Variants in FBXL13 observed in about 807,000 individuals in gnomAD.
The protein encoded by FBXL13 is F-box and leucine rich repeat protein 13.
Under a neutral mutation model 83.6 loss-of-function variants are expected in FBXL13, and 67 were observed. That is an observed-to-expected ratio of 0.80 (90% confidence interval 0.66 to 0.98). The LOEUF is 0.98. Among genes scored for constraint, FBXL13 ranks in the 50% least tolerant of loss-of-function variants. The pLI is 0.00. For synonymous variants in FBXL13, 272 were observed against 299.5 expected, an observed-to-expected ratio of 0.91 and a Z score of 0.95; for missense variants, 822 against 866.5, an observed-to-expected ratio of 0.95 and a Z score of 0.64.
rs149880257 is a variant in FBXL13, at chr7:102,877,418, G to A, written c.1635+49C>T. Reference sequence around the variant, plus strand: ...ATTATTTACAAAATAGCAAATAATTGTATTATAGAAAACAATAAAAGTCAT... The same window carrying A: ...ATTATTTACAAAATAGCAAATAATTATATTATAGAAAACAATAAAAGTCAT... On this transcript the variant is annotated intron_variant, in intron 16 of 19. Coordinates refer to ENST00000313221, the Ensembl canonical transcript of FBXL13. 4.3e-6 allele frequency: 6 copies of A among 1,396,290 alleles called. No individual in the cohort carries two copies. In the African/African-American group the frequency reaches 4.5e-5, roughly 10 times the overall value. The allele number at this position is 1,396,290 out of a possible 1,614,324, so 86.5% of individuals were successfully genotyped here.
chr7:102,909,921 C>A (rs1225944634), intron 11 of FBXL13, among the ~76,000 whole-genome samples: 1 of 152,180 alleles, frequency 6.6e-6, no homozygotes, highest in Non-Finnish European at 1.5e-5. Flanking sequence ...TCATGTACCC[C>A]TCAGTCCACT....
downstream of FBXL13, among the ~76,000 whole-genome samples, chr7:102,812,161 T>C (rs115121768): frequency 0.025 from 3,737 of 152,266 alleles, 162 homozygotes; most frequent in African/African-American, 0.085. Context: ...CAGAGTTGTG[T>C]TTTCTCTTGG....
At chr7:102,838,063 T>A (rs6951288) in intron 17 of FBXL13, among the ~76,000 whole-genome samples, 27,535 of 152,182 alleles carry the variant, frequency 0.18, 2,800 homozygotes, top group East Asian at 0.43. Flanking sequence ...CTCAGAATAC[T>A]AAGCCCAGTC....
In FBXL13 at chr7:103,036,344, A is replaced by AT. The variant is rs951295635; in HGVS notation, c.1-6927dup. 4.7e-3 allele frequency among the ~76,000 whole-genome samples: 697 copies of AT among 149,892 alleles called. 6 individuals are homozygous for AT. Among genetic ancestry groups the AT allele is most frequent in the African/African-American group, 0.016 (642 of 40,974 alleles). ...CTAATTTAAATCCCTCCCAACTCAGATTTTTTTTTTATTTTTCAAAAGCCC... is the reference window on the plus strand; with the variant it reads ...CTAATTTAAATCCCTCCCAACTCAGATTTTTTTTTTTATTTTTCAAAAGCCC... On this transcript the variant is annotated intron_variant, in intron 2 of 19. Coordinates refer to ENST00000313221, the Ensembl canonical transcript of FBXL13.
chr7:103,014,759 T>TA (rs1398543406), intron 6 of FBXL13, among the ~76,000 whole-genome samples: 6 of 151,162 alleles, frequency 4.0e-5, no homozygotes, highest in African/African-American at 1.5e-4. Context: ...CCGTCTCTAC[T>TA]AAAAATACAA....
chr7:102,956,378 G>C (rs1283037385), intron 8 of FBXL13, among the ~76,000 whole-genome samples: 1 of 152,026 alleles, frequency 6.6e-6, no homozygotes, highest in African/African-American at 2.4e-5. Context: ...TTGATGGAAC[G>C]TATCTCAAAA....
chr7:102,872,992 T>C (rs1171697611), intron 16 of FBXL13, among the ~76,000 whole-genome samples: 2 of 152,226 alleles, frequency 1.3e-5, no homozygotes, highest in Non-Finnish European at 2.9e-5. Flanking sequence ...AAGATTATTA[T>C]AAGAAACACA....
chr7:102,858,834 T>G (rs1285709636), intron 16 of FBXL13, among the ~76,000 whole-genome samples: 1 of 152,172 alleles, frequency 6.6e-6, no homozygotes, highest in Non-Finnish European at 1.5e-5. Flanking sequence ...TAAAGCAGGC[T>G]CAGGGTGGGA....
chr7:103,065,921 C>A (rs531012651), intron 1 of FBXL13, among the ~76,000 whole-genome samples: 6 of 152,242 alleles, frequency 3.9e-5, no homozygotes, highest in Non-Finnish European at 8.8e-5. Flanking sequence ...GTGGGCACCA[C>A]TGGGTGCACC....
At chr7:102,837,297 C>A (rs1584532294) in intron 17 of FBXL13, among the ~76,000 whole-genome samples, 1 of 152,328 alleles carries the variant, frequency 6.6e-6, no homozygotes, top group African/African-American at 2.4e-5. Context: ...CCAGGGAAAC[C>A]AGGCTGAGCA....
At chr7:102,860,950 T>G (rs573539527) in intron 16 of FBXL13, among the ~76,000 whole-genome samples, 88 of 151,808 alleles carry the variant, frequency 5.8e-4, no homozygotes, top group African/African-American at 2.1e-3. Context: ...GAATAAAATT[T>G]TATATACATA....
At chr7:102,832,047 CTAA>C (rs1302171699) in intron 18 of FBXL13, among the ~76,000 whole-genome samples, 1 of 152,092 alleles carries the variant, frequency 6.6e-6, no homozygotes. Context: ...GTAACTATTT[CTAA>C]TCTTTTTGTG....
At chr7:102,934,661 C>T in intron 8 of FBXL13, 2 of 1,598,290 alleles carry the variant, frequency 1.3e-6, no homozygotes, top group African/African-American at 1.4e-5. Flanking sequence ...GTTTCCCATA[C>T]AAACACTGGA....
At chr7:103,047,487 A>G (rs1195660178) in intron 2 of FBXL13, among the ~76,000 whole-genome samples, 1 of 152,198 alleles carries the variant, frequency 6.6e-6, no homozygotes, top group Non-Finnish European at 1.5e-5. Context: ...TTGTATATCT[A>G]ATCAATTTCA....
chr7:102,870,074 C>T (rs1374792639), intron 16 of FBXL13, among the ~76,000 whole-genome samples: 3 of 152,160 alleles, frequency 2.0e-5, no homozygotes, highest in Non-Finnish European at 4.4e-5. Context: ...CCTTATAACA[C>T]ATACAATTAA....
chr7:102,963,403 A>G, intron 8 of FBXL13, 130 bp downstream of exon 9: 2 of 1,053,592 alleles, frequency 1.9e-6, no homozygotes, highest in Non-Finnish European at 2.7e-6. Context: ...CACTTATTAA[A>G]TGGTTATAAT....
intron 8 of FBXL13, among the ~76,000 whole-genome samples, chr7:102,937,706 T>C (rs1014390454): frequency 6.6e-6 from 1 of 152,190 alleles, no homozygotes; most frequent in East Asian, 1.9e-4. Flanking sequence ...CACAGAGCCA[T>C]GTGCTTTAGA....
intron 1 of FBXL13, among the ~76,000 whole-genome samples, chr7:103,061,702 G>A (rs1344403124): frequency 2.0e-5 from 3 of 152,030 alleles, no homozygotes; most frequent in Admixed American, 6.6e-5. Flanking sequence ...CACCTGGGAG[G>A]CCAAGACAGG....
intron 11 of FBXL13, among the ~76,000 whole-genome samples, chr7:102,894,263 A>C (rs928278963): frequency 7.2e-5 from 11 of 152,224 alleles, no homozygotes; most frequent in Non-Finnish European, 1.3e-4. Flanking sequence ...TCCAGTTTGC[A>C]GTTTGTACAG....
Sources: allele counts gnomAD v4.1 joint callset (sites outside exome capture counted in the v4.1 genomes callset), GRCh38; gene constraint gnomAD v4.1.1; transcripts MANE v1.5; gene names NCBI Gene and HGNC (gene_info 2026-07-23, HGNC 2026-07-21).